The following CREM variants were observed in gnomAD, a reference collection of about 807,000 sequenced individuals.
CREM encodes the protein cAMP responsive element modulator, also known as cAMP-responsive element modulator.
In CREM, 13 loss-of-function variants were observed where a neutral mutation model predicts 37.3. The ratio of observed to expected loss-of-function variants is 0.35; its 90% CI spans 0.23 to 0.55. The LOEUF (loss-of-function observed/expected upper bound fraction) is 0.55, where lower values mean the gene tolerates loss of function less well. Ranked by LOEUF, CREM falls within the 20% of genes least tolerant of loss-of-function variation. CREM has a pLI of 0.88. For missense variants in CREM, 296 were observed against 362.3 expected (o/e 0.82, Z 1.49); for synonymous variants, 124 against 120.2 (o/e 1.03, Z -0.21).
chr10:35,187,209 T>A lies in CREM; in HGVS notation c.410-991T>A, dbSNP rs554410405. The stretch of plus-strand genomic sequence containing the variant: ...TAAATATATTAATATATAATATATA[T>A]TATATATTTATATATATAAAATATA... On this transcript the variant is annotated intron_variant, in intron 5 of 7. Coordinates refer to ENST00000685392, the MANE Select transcript of CREM (RefSeq NM_183011.2). 1.0e-3 allele frequency among the ~76,000 whole-genome samples: 76 copies of A among 73,626 alleles called. 1 individual carries two copies. In the South Asian group the frequency reaches 0.013, roughly 12 times the overall value. The allele number at this position is 73,626 out of a possible 152,430, so 48.3% of individuals were successfully genotyped here.
intron 2 of CREM, among the ~76,000 whole-genome samples, chr10:35,147,586 A>T (rs1372193162): frequency 2.6e-5 from 4 of 152,188 alleles, no homozygotes; most frequent in Non-Finnish European, 4.4e-5. Flanking sequence ...ACAAAGCAAG[A>T]CACATTTTTG....
chr10:35,191,086 T>TTTTATTTATTTATTTATTTATTTA (rs10528009), intron 6 of CREM, among the ~76,000 whole-genome samples: 16,303 of 147,848 alleles, frequency 0.11, 1,125 homozygotes, highest in Non-Finnish European at 0.14. Context: ...ACATTTTTCT[T>TTTTATTTATTTATTTATTTATTTA]TTTATTTATT....
intron 7 of CREM, among the ~76,000 whole-genome samples, chr10:35,210,067 A>G (rs1035023926): frequency 1.4e-5 from 2 of 144,848 alleles, no homozygotes; most frequent in African/African-American, 5.0e-5. Context: ...AGCTATCTTA[A>G]AAAAAAAAAA....
chr10:35,188,473 A>C (rs972657671), intron 6 of CREM, 85 bp downstream of exon 6: 2 of 1,267,072 alleles, frequency 1.6e-6, no homozygotes, highest in Non-Finnish European at 2.1e-6. Flanking sequence ...GTTTTTTGAA[A>C]TAGATCGAAG....
At chr10:35,159,746 C>T (rs771136985) in intron 3 of CREM, among the ~76,000 whole-genome samples, 17 of 152,134 alleles carry the variant, frequency 1.1e-4, no homozygotes, top group African/African-American at 3.9e-4. Context: ...AGCTTCCCCA[C>T]AGCAAAGGAA....
intron 3 of CREM, chr10:35,167,579 G>A (rs1331378357): frequency 1.4e-6 from 1 of 720,466 alleles, no homozygotes; most frequent in Non-Finnish European, 2.4e-6. Context: ...CTAATCAAAT[G>A]CTGTGTTACA....
intron 1 of CREM, among the ~76,000 whole-genome samples, chr10:35,136,035 A>G (rs2090452165): frequency 6.6e-6 from 1 of 152,118 alleles, no homozygotes; most frequent in Non-Finnish European, 1.5e-5. Flanking sequence ...GTATGAGGCT[A>G]GTTTTTCTCT....
intron 3 of CREM, chr10:35,167,725 G>C: frequency 6.2e-7 from 1 of 1,613,920 alleles, no homozygotes; most frequent in Admixed American, 1.7e-5. Flanking sequence ...ATTTTTGGTG[G>C]ATGTGGTGGC....
Position 35,196,844 on chromosome 10 carries a change from A to G in CREM, c.598+8456A>G, listed in dbSNP as rs866358569. ...AGACTCATAACAAAAAATAAATAAA[A>G]TGATGTGAAAACGCTGTGTACTTTT... On this transcript the variant is annotated intron_variant, in intron 6 of 7. Transcript: ENST00000685392. Among the ~76,000 whole-genome samples, 30 of 150,530 alleles carry G rather than the reference A, an allele frequency of 2.0e-4. 1 individual carries two copies. In the Middle Eastern group the frequency reaches 0.01, roughly 53 times the overall value.
At chr10:35,136,376 G>A (rs1024770801) in intron 1 of CREM, among the ~76,000 whole-genome samples, 2 of 152,134 alleles carry the variant, frequency 1.3e-5, no homozygotes, top group Non-Finnish European at 2.9e-5. Context: ...AGTATGAGGG[G>A]GTGGCATCTA....
At chr10:35,189,847 C>A (rs1449329254) in intron 6 of CREM, among the ~76,000 whole-genome samples, 1 of 152,134 alleles carries the variant, frequency 6.6e-6, no homozygotes, top group Non-Finnish European at 1.5e-5. Flanking sequence ...GAATGTCTTG[C>A]AGGTATGATA....
chr10:35,201,322 AG>A, intron 6 of CREM: 1 of 903,530 alleles, frequency 1.1e-6, no homozygotes, highest in Non-Finnish European at 1.7e-6. Flanking sequence ...GAACTTAAGG[AG>A]GGGAAGAGGA....
intron 3 of CREM, among the ~76,000 whole-genome samples, chr10:35,168,321 G>C (rs1431903237): frequency 2.6e-5 from 4 of 152,156 alleles, no homozygotes; most frequent in Non-Finnish European, 5.9e-5. Context: ...ATCTTATTGT[G>C]GTTTAGATTT....
At chr10:35,144,505 T>C (rs1009851437) in intron 2 of CREM, among the ~76,000 whole-genome samples, 4 of 152,082 alleles carry the variant, frequency 2.6e-5, no homozygotes, top group Admixed American at 6.5e-5. Flanking sequence ...CATATAGGAT[T>C]GAAGAAACCA....
At chr10:35,161,681 C>T (rs2093306289) in intron 3 of CREM, among the ~76,000 whole-genome samples, 1 of 151,012 alleles carries the variant, frequency 6.6e-6, no homozygotes, top group Non-Finnish European at 1.5e-5. Context: ...AAAAGCTCGA[C>T]ATCATTAATC....
At chr10:35,183,627 C>A (rs529356695) in intron 5 of CREM, among the ~76,000 whole-genome samples, 1 of 152,296 alleles carries the variant, frequency 6.6e-6, no homozygotes, top group East Asian at 1.9e-4. Context: ...TTCATTGGAA[C>A]AAAGGTCTGT....
intron 1 of CREM, chr10:35,135,519 A>C (rs1327718903): frequency 6.6e-6 from 1 of 152,254 alleles, no homozygotes; most frequent in East Asian, 1.9e-4. Flanking sequence ...CCGAAAAAAG[A>C]AAGTTGGTAG....
At chr10:35,208,062 C>G (rs1450625999) in intron 7 of CREM, among the ~76,000 whole-genome samples, 1 of 152,168 alleles carries the variant, frequency 6.6e-6, no homozygotes, top group Non-Finnish European at 1.5e-5. Flanking sequence ...TTTAGCTTCT[C>G]TCTGAGAAAA....
chr10:35,166,033 C>T (rs1025873155), intron 3 of CREM, among the ~76,000 whole-genome samples: 10 of 152,084 alleles, frequency 6.6e-5, no homozygotes, highest in Non-Finnish European at 1.3e-4. Context: ...AAACAATGAT[C>T]CTTTTCCCCC....
Sources: allele counts gnomAD v4.1 joint callset (sites outside exome capture counted in the v4.1 genomes callset), GRCh38; gene constraint gnomAD v4.1.1; transcripts MANE v1.5; gene names NCBI Gene and HGNC (gene_info 2026-07-23, HGNC 2026-07-21).